The following SRGAP3 variants were observed in gnomAD, a reference collection of about 807,000 sequenced individuals.
The protein encoded by SRGAP3 is SLIT-ROBO Rho GTPase-activating protein 3.
SRGAP3 carries 39 observed loss-of-function variants against 121.1 expected under a neutral mutation model. That is an observed-to-expected ratio of 0.32 (90% CI 0.25 to 0.42). The LOEUF (loss-of-function observed/expected upper bound fraction) is 0.42, where lower values mean the gene tolerates loss of function less well. SRGAP3 is among the 10% of genes least tolerant of loss of function. SRGAP3 has a pLI of 1.00. For synonymous variants in SRGAP3, 601 were observed against 570.0 expected, an observed-to-expected ratio of 1.05 and a Z score of -0.77; for missense variants, 1,213 against 1,470.6, an observed-to-expected ratio of 0.82 and a Z score of 2.86.
At chr3:9,255,879 G>A (rs1954121485) in intron 3 of SRGAP3, among the ~76,000 whole-genome samples, 1 of 152,168 alleles carries the variant, frequency 6.6e-6, no homozygotes, top group Non-Finnish European at 1.5e-5. Flanking sequence ...CTTTGAGATA[G>A]GTTATATTTT....
chr3:9,106,860 C>T (rs868255099), intron 2 of SRGAP3, among the ~76,000 whole-genome samples: 1 of 151,876 alleles, frequency 6.6e-6, no homozygotes, highest in African/African-American at 2.4e-5. Flanking sequence ...CCACTATGAC[C>T]ACATCCACCT....
chr3:9,062,708 T>C (rs1946231692), intron 5 of SRGAP3, among the ~76,000 whole-genome samples: 1 of 152,254 alleles, frequency 6.6e-6, no homozygotes, highest in African/African-American at 2.4e-5. Flanking sequence ...CAGTACTTCA[T>C]TCCTTTTCAT....
chr3:8,993,205 T>C, intron 19 of SRGAP3, 150 bp from the exon 20 acceptor site: 1 of 1,288,322 alleles, frequency 7.8e-7, no homozygotes, highest in South Asian at 1.3e-5. Flanking sequence ...GCCCACTGGG[T>C]GCCTTCCCAC....
intron 1 of SRGAP3, among the ~76,000 whole-genome samples, chr3:9,167,311 T>C (rs1950824016): frequency 6.6e-6 from 1 of 152,234 alleles, no homozygotes; most frequent in South Asian, 2.1e-4. Flanking sequence ...TGACTCATCC[T>C]GCTGGTTTCC....
intron 1 of SRGAP3, among the ~76,000 whole-genome samples, chr3:9,178,665 C>T (rs1446570711): frequency 6.6e-6 from 1 of 152,198 alleles, no homozygotes; most frequent in Admixed American, 6.5e-5. Flanking sequence ...CAGGCCAGTG[C>T]TCCTGCAGCA....
intron 3 of SRGAP3, among the ~76,000 whole-genome samples, chr3:9,260,782 G>T (rs1184720452): frequency 6.6e-6 from 1 of 152,238 alleles, no homozygotes; most frequent in Non-Finnish European, 1.5e-5. Context: ...CAGCTCTGAA[G>T]TGAAGAAATC....
intron 3 of SRGAP3, among the ~76,000 whole-genome samples, chr3:9,315,114 G>C (rs963063170): frequency 6.6e-6 from 1 of 152,140 alleles, no homozygotes; most frequent in Non-Finnish European, 1.5e-5. Context: ...TGACATCATC[G>C]GGACTATGTT....
At chr3:9,324,763 C>T (rs1468756495) in intron 3 of SRGAP3, among the ~76,000 whole-genome samples, 1 of 151,734 alleles carries the variant, frequency 6.6e-6, no homozygotes, top group Non-Finnish European at 1.5e-5. Context: ...CGAGACCATC[C>T]TGGCTAACAC....
chr3:9,174,526 C>T (rs1416015748), intron 1 of SRGAP3, among the ~76,000 whole-genome samples: 1 of 152,174 alleles, frequency 6.6e-6, no homozygotes, highest in Non-Finnish European at 1.5e-5. Flanking sequence ...AAAACCACCA[C>T]CACCACTACT....
chr3:9,137,898 A>G (rs1218845671), intron 1 of SRGAP3, among the ~76,000 whole-genome samples: 2 of 152,228 alleles, frequency 1.3e-5, no homozygotes, highest in Non-Finnish European at 2.9e-5. Flanking sequence ...GCCTCCTCCT[A>G]CCAGAGACTG....
chr3:9,262,554 A>AAAAAAAAAAAAAAAAAAAAAAAAAAC (rs1954276389), intron 3 of SRGAP3, among the ~76,000 whole-genome samples: 1 of 149,672 alleles, frequency 6.7e-6, no homozygotes, highest in Admixed American at 6.7e-5. Context: ...AAAAAAAAAA[A>AAAAAAAAAAAAAAAAAAAAAAAAAAC]AAGCAGTGGT....
intron 1 of SRGAP3, among the ~76,000 whole-genome samples, chr3:9,145,602 G>C (rs866300508): frequency 3.3e-5 from 5 of 152,180 alleles, no homozygotes; most frequent in South Asian, 2.1e-4. Flanking sequence ...GGAAAAGAAT[G>C]TACAACCCTG....
chr3:8,985,809 G>C lies in SRGAP3; in HGVS notation c.3010C>G (p.Pro1004Ala). The change falls in exon 22 of 22, where the codon CCC becomes GCC. Residue 1004 changes from proline to alanine, a missense_variant. Physicochemically the swap from Pro to Ala is conservative, Grantham distance 27. Coordinates refer to ENST00000383836, the MANE Select transcript of SRGAP3 (RefSeq NM_014850.4). This position sits in a 1 kb window ranked among gnomAD's most constrained non-coding sequence, Gnocchi z 5.1. ...TLEPLKNPPG[P>A]VSSEPASPLH... ...GGACTGGCGGGCTCCGAGCTGACGGGGCCTGGCGGGTTCTTCAGGGGCTCC... is the reference window on the plus strand; with the variant it reads ...GGACTGGCGGGCTCCGAGCTGACGGCGCCTGGCGGGTTCTTCAGGGGCTCC... 6.2e-7 allele frequency: 1 copy of C among 1,600,496 alleles called. No homozygotes were observed.
chr3:9,237,532 G>A (rs556214130), intron 1 of SRGAP3, among the ~76,000 whole-genome samples: 1 of 152,316 alleles, frequency 6.6e-6, no homozygotes, highest in South Asian at 2.1e-4. Context: ...TTGCTGTTCG[G>A]CTACTTAAGA....
chr3:9,109,508 C>G lies in SRGAP3; in HGVS notation c.261-4666G>C, dbSNP rs1215110337. Among the ~76,000 whole-genome samples the G allele has an allele frequency of 6.6e-6, 1 of 152,188 alleles. No individual in the cohort carries two copies. Among genetic ancestry groups the G allele is most frequent in the Non-Finnish European group, 1.5e-5 (1 of 68,028 alleles). Reference sequence around the variant, plus strand: ...AAGTGAGCAGCTGCTGTGAAGATTCCTTCCAGCCCTCGTTCACTCCTTGCG... The same window carrying G: ...AAGTGAGCAGCTGCTGTGAAGATTCGTTCCAGCCCTCGTTCACTCCTTGCG... On this transcript the variant is annotated intron_variant, in intron 2 of 21. Transcript: ENST00000383836. This position sits in a 1 kb window ranked among gnomAD's most constrained non-coding sequence, Gnocchi z 4.4.
chr3:9,199,221 A>T (rs1016094301), intron 1 of SRGAP3, among the ~76,000 whole-genome samples: 1 of 152,228 alleles, frequency 6.6e-6, no homozygotes, highest in Non-Finnish European at 1.5e-5. Flanking sequence ...TCTGCATCAG[A>T]GCACACTCCC....
intron 3 of SRGAP3, among the ~76,000 whole-genome samples, chr3:9,295,496 C>A (rs1297503180): frequency 6.6e-6 from 1 of 152,140 alleles, no homozygotes; most frequent in Non-Finnish European, 1.5e-5. Flanking sequence ...ATTAACCACA[C>A]ACATTTATTT....
chr3:9,178,912 C>A (rs1193069319), intron 1 of SRGAP3, among the ~76,000 whole-genome samples: 1 of 152,190 alleles, frequency 6.6e-6, no homozygotes, highest in Non-Finnish European at 1.5e-5. Flanking sequence ...CAGGCCACAG[C>A]TGCAACGGTT....
At chr3:9,310,060 T>A (rs1234012724) in intron 3 of SRGAP3, among the ~76,000 whole-genome samples, 1 of 152,162 alleles carries the variant, frequency 6.6e-6, no homozygotes. Context: ...CCATAGCATG[T>A]TTGATCCCTT....
Sources: gnomAD v4.1 joint callset for allele counts (sites outside exome capture counted in the v4.1 genomes callset) on GRCh38, gnomAD v4.1.1 for gene constraint, Gnocchi (gnomAD v3.1) non-coding constraint, MANE v1.5 for transcripts, NCBI Gene and HGNC (gene_info 2026-07-23, HGNC 2026-07-21) for gene names.